Variants in SLC39A11 observed in about 807,000 individuals in gnomAD.
The protein encoded by SLC39A11 is zinc transporter ZIP11.
A neutral mutation model predicts 36.1 loss-of-function variants in SLC39A11; 33 were observed. The observed-to-expected ratio is 0.91, with a 90% confidence interval of 0.69 to 1.22. The LOEUF (loss-of-function observed/expected upper bound fraction) is 1.22, where lower values mean the gene tolerates loss of function less well. Among genes scored for constraint, SLC39A11 ranks in the 50% most tolerant of loss-of-function variants. SLC39A11 has a pLI of 0.00. For missense variants in SLC39A11, 432 were observed against 430.3 expected (o/e 1.00, Z -0.03); for synonymous variants, 166 against 170.3 (o/e 0.97, Z 0.20).
rs183870551 is a variant in SLC39A11, at chr17:72,758,405, G to A, written c.602-21686C>T. 1.2e-3 allele frequency among the ~76,000 whole-genome samples: 181 copies of A among 152,216 alleles called. 1 individual carries two copies. Among genetic ancestry groups the A allele is most frequent in the South Asian group, 0.012 (56 of 4,826 alleles). ...TTCAATCAACATTCCCTCTTTACCC[G>A]TTTTAACAGAATTCTCATTTTGTTC... On this transcript the variant is annotated intron_variant, in intron 6 of 9. Transcript: ENST00000255559.
intron 4 of SLC39A11, among the ~76,000 whole-genome samples, chr17:72,982,583 T>C (rs553231363): frequency 6.6e-6 from 1 of 152,348 alleles, no homozygotes; most frequent in South Asian, 2.1e-4. Context: ...TTCGTAATAC[T>C]TCATTTACAA....
At chr17:72,965,512 TA>T (rs1424926746) in intron 4 of SLC39A11, among the ~76,000 whole-genome samples, 1 of 152,224 alleles carries the variant, frequency 6.6e-6, no homozygotes, top group Non-Finnish European at 1.5e-5. Flanking sequence ...CACCTTATTA[TA>T]AACTAGGCTT....
intron 5 of SLC39A11, among the ~76,000 whole-genome samples, chr17:72,914,285 CAGCCTGGACGACAGAGCG>C: frequency 6.7e-6 from 1 of 150,058 alleles, no homozygotes; most frequent in South Asian, 2.1e-4. Context: ...CACTATACTC[CAGCCTGGACGACAGAGCG>C]AGACTCCATC....
chr17:72,785,831 T>C (rs2076494426), intron 6 of SLC39A11, among the ~76,000 whole-genome samples: 1 of 152,262 alleles, frequency 6.6e-6, no homozygotes, highest in Non-Finnish European at 1.5e-5. Context: ...CCTCCTGGTC[T>C]TTCTTGTCAC....
intron 5 of SLC39A11, among the ~76,000 whole-genome samples, chr17:72,896,662 A>C (rs1246720781): frequency 6.6e-6 from 1 of 152,092 alleles, no homozygotes; most frequent in East Asian, 1.9e-4. Flanking sequence ...GTTCATTGTA[A>C]TGACAGAAGT....
chr17:72,880,348 C>T lies in SLC39A11; in HGVS notation c.431-30544G>A, dbSNP rs111719461. On this transcript the variant is annotated intron_variant, in intron 5 of 9. Coordinates refer to ENST00000255559, the MANE Select transcript of SLC39A11 (RefSeq NM_139177.4). ...CTTTGGGAGGTTGAGGCAGATGGAT[C>T]GCTTGAGCCTAGGAGTCTGAGACCA... Among the ~76,000 whole-genome samples, 998 of 152,204 alleles carry T rather than the reference C, an allele frequency of 6.6e-3. 10 individuals carry two copies. Among genetic ancestry groups the T allele is most frequent in the African/African-American group, 0.023 (957 of 41,540 alleles).
chr17:72,747,470 G>C (rs192620712), intron 6 of SLC39A11, among the ~76,000 whole-genome samples: 1 of 152,194 alleles, frequency 6.6e-6, no homozygotes, highest in African/African-American at 2.4e-5. Context: ...GCTCGGCTTT[G>C]ATTCCTTGTC....
intron 7 of SLC39A11, among the ~76,000 whole-genome samples, chr17:72,661,725 C>T (rs761750590): frequency 7.9e-5 from 12 of 152,130 alleles, no homozygotes; most frequent in Non-Finnish European, 1.6e-4. Flanking sequence ...GCTTAGCACG[C>T]AAGGGATCTT....
intron 5 of SLC39A11, among the ~76,000 whole-genome samples, chr17:72,864,674 T>C (rs1598174490): frequency 6.6e-6 from 1 of 152,184 alleles, no homozygotes; most frequent in Non-Finnish European, 1.5e-5. Flanking sequence ...ACTGATGAAC[T>C]CACCACTTAT....
chr17:72,817,501 C>T (rs2077623274), intron 6 of SLC39A11, among the ~76,000 whole-genome samples: 1 of 152,028 alleles, frequency 6.6e-6, no homozygotes, highest in Non-Finnish European at 1.5e-5. Context: ...CCCACCAGGC[C>T]CCATCTCCAA....
rs2084026469 is a variant in SLC39A11, at chr17:72,925,975, G to A, written c.430+21777C>T. Among the ~76,000 whole-genome samples, 4 of 152,324 alleles carry A rather than the reference G, an allele frequency of 2.6e-5. No homozygotes were observed. The South Asian group carries it at 8.3e-4, about 32-fold the overall frequency. ...CTGTGAGGCAAAGCTGACTTAAGCA[G>A]CCTGTTCCACCCAGACAACTGAAAT... On this transcript the variant is annotated intron_variant, in intron 5 of 9. Coordinates refer to ENST00000255559, the MANE Select transcript of SLC39A11 (RefSeq NM_139177.4).
intron 4 of SLC39A11, among the ~76,000 whole-genome samples, chr17:72,972,394 C>T (rs1224719795): frequency 1.3e-5 from 2 of 152,136 alleles, no homozygotes; most frequent in African/African-American, 4.8e-5. Context: ...CCGATCCAAT[C>T]GTAAACCTAA....
chr17:73,044,683 G>T lies in SLC39A11; in HGVS notation c.148-12969C>A, dbSNP rs187916050. Among the ~76,000 whole-genome samples, 193 of 152,158 alleles carry T rather than the reference G, an allele frequency of 1.3e-3. No individual in the cohort carries two copies. In the East Asian group the frequency reaches 0.02, roughly 16 times the overall value. ...GAGGCCAGGAGTTCAAGACCAGCCT[G>T]GCCAATGTGGTAAAACCTCACCTCT... On this transcript the variant is annotated intron_variant, in intron 3 of 9. Coordinates refer to ENST00000255559, the MANE Select transcript of SLC39A11 (RefSeq NM_139177.4).
intron 3 of SLC39A11, among the ~76,000 whole-genome samples, chr17:73,034,556 C>G (rs2058842387): frequency 6.6e-6 from 1 of 152,194 alleles, no homozygotes; most frequent in South Asian, 2.1e-4. Flanking sequence ...TGTGCAGCAG[C>G]TTCTCTGGTT....
intron 4 of SLC39A11, among the ~76,000 whole-genome samples, chr17:73,015,860 G>A (rs1296131730): frequency 6.6e-6 from 1 of 152,168 alleles, no homozygotes; most frequent in Non-Finnish European, 1.5e-5. Context: ...GGGATTACAG[G>A]TGTGAGCCAC....
intron 5 of SLC39A11, among the ~76,000 whole-genome samples, chr17:72,856,022 T>C (rs1469833736): frequency 6.6e-6 from 1 of 152,238 alleles, no homozygotes; most frequent in African/African-American, 2.4e-5. Flanking sequence ...ATGGGAACTT[T>C]TGGCTATTTC....
chr17:72,892,813 C>G (rs937937745), intron 5 of SLC39A11, among the ~76,000 whole-genome samples: 1 of 152,158 alleles, frequency 6.6e-6, no homozygotes, highest in Non-Finnish European at 1.5e-5. Context: ...GATTTGACAG[C>G]CATTTCCCGC....
At position 72,946,012 on chromosome 17, in the gene SLC39A11, G is replaced by A. The variant is rs1415537874; in HGVS notation, c.430+1740C>T. On this transcript the variant is annotated intron_variant, in intron 5 of 9. Coordinates refer to ENST00000255559, the MANE Select transcript of SLC39A11 (RefSeq NM_139177.4). ...AGAAGACTCACAATCAGGATCATAA[G>A]GTCTTCAAAGGGGAACCCAGGAGCC... Among the ~76,000 whole-genome samples, 4 of 152,294 alleles carry A rather than the reference G, an allele frequency of 2.6e-5. No homozygotes were observed. In the South Asian group the frequency reaches 6.2e-4, roughly 24 times the overall value.
intron 6 of SLC39A11, among the ~76,000 whole-genome samples, chr17:72,772,348 C>A (rs1045639212): frequency 6.6e-6 from 1 of 152,180 alleles, no homozygotes; most frequent in East Asian, 1.9e-4. Context: ...AGCACAGTGG[C>A]GCACATCTGC....
Sources: allele counts gnomAD v4.1 joint callset (sites outside exome capture counted in the v4.1 genomes callset), GRCh38; gene constraint gnomAD v4.1.1; transcripts MANE v1.5; gene names NCBI Gene and HGNC (gene_info 2026-07-23, HGNC 2026-07-21).